Variants in APP observed in about 807,000 individuals in gnomAD.
The protein encoded by APP is amyloid beta precursor protein.
APP carries 31 observed loss-of-function variants against 101.4 expected under a neutral mutation model. The ratio of observed to expected loss-of-function variants is 0.31; its 90% CI spans 0.23 to 0.41. The LOEUF is 0.41. APP is among the 10% of genes least tolerant of loss of function. The pLI is 1.00. For missense variants in APP, 839 were observed against 1,003.7 expected (o/e 0.84, Z 2.22); for synonymous variants, 366 against 364.4 (o/e 1.00, Z -0.05).
At chr21:26,013,964 C>A (rs1422848129) in intron 6 of APP, among the ~76,000 whole-genome samples, 1 of 152,198 alleles carries the variant, frequency 6.6e-6, no homozygotes, top group African/African-American at 2.4e-5. Flanking sequence ...CCTGTCACAT[C>A]TATGGTCAGT....
chr21:25,945,934 G>C lies in APP; in HGVS notation c.1687+8656C>G, dbSNP rs557621241. ...TGGGCTCAAGTCATCTGCCCACCTTGGCCTCCCAAAATGCTGGAATTACAG... is the reference window on the plus strand; with the variant it reads ...TGGGCTCAAGTCATCTGCCCACCTTCGCCTCCCAAAATGCTGGAATTACAG... On this transcript the variant is annotated intron_variant, in intron 13 of 17. Coordinates refer to ENST00000346798, the MANE Select transcript of APP (RefSeq NM_000484.4). 9 of 455,108 alleles carry C rather than the reference G, an allele frequency of 2.0e-5. 1 individual carries two copies. Among genetic ancestry groups the C allele is most frequent in the African/African-American group, 1.2e-4 (6 of 50,056 alleles). The allele number at this position is 455,108 out of a possible 1,614,324, so 28.2% of individuals were successfully genotyped here.
rs548022604 is a variant in APP at position 26,064,656 on chromosome 21, C to A, written c.356-11308G>T. On this transcript the variant is annotated intron_variant, in intron 3 of 17. Coordinates refer to ENST00000346798, the MANE Select transcript of APP (RefSeq NM_000484.4). ...TGCAAAAGGCATGTGGTCTCTACAGCATTCTCATTTAACACCCTCCCCCTA... is the reference window on the plus strand; with the variant it reads ...TGCAAAAGGCATGTGGTCTCTACAGAATTCTCATTTAACACCCTCCCCCTA... Among the ~76,000 whole-genome samples the A allele has an allele frequency of 5.3e-5, 8 of 152,234 alleles. No individual in the cohort carries two copies. The South Asian group carries it at 1.7e-3, about 32-fold the overall frequency.
At chr21:26,096,903 C>CA (rs1425519271) in intron 2 of APP, among the ~76,000 whole-genome samples, 1 of 152,218 alleles carries the variant, frequency 6.6e-6, no homozygotes, top group East Asian at 1.9e-4. Flanking sequence ...AGGGAATACT[C>CA]AGAGAGACAA....
chr21:26,033,944 T>C (rs1018049820), intron 5 of APP, among the ~76,000 whole-genome samples: 10 of 152,184 alleles, frequency 6.6e-5, no homozygotes, highest in Non-Finnish European at 1.2e-4. Context: ...TTGATCATGG[T>C]AGACTTGAGA....
intron 1 of APP, among the ~76,000 whole-genome samples, chr21:26,114,324 T>A (rs1383728842): frequency 6.6e-6 from 1 of 152,126 alleles, no homozygotes; most frequent in Admixed American, 6.6e-5. Flanking sequence ...CCCCCAATAG[T>A]CCCTGCCTCC....
At chr21:25,981,390 G>T (rs2042424475) in intron 9 of APP, among the ~76,000 whole-genome samples, 2 of 152,128 alleles carry the variant, frequency 1.3e-5, no homozygotes, top group South Asian at 4.1e-4. Context: ...TTTAACCTGA[G>T]ATCTTTATTC....
At chr21:26,034,666 AAAAG>A (rs1261808846) in intron 5 of APP, among the ~76,000 whole-genome samples, 1 of 149,354 alleles carries the variant, frequency 6.7e-6, no homozygotes, top group African/African-American at 2.6e-5. Flanking sequence ...GAAAAAGAAA[AAAAG>A]AAAAGAAAAA....
intron 1 of APP, among the ~76,000 whole-genome samples, chr21:26,126,343 T>C (rs1350508631): frequency 6.6e-6 from 1 of 152,222 alleles, no homozygotes; most frequent in African/African-American, 2.4e-5. Context: ...GGGAATAATG[T>C]TGGTGTACAC....
chr21:25,955,100 A>C (rs187702304), intron 12 of APP, among the ~76,000 whole-genome samples: 237 of 152,222 alleles, frequency 1.6e-3, no homozygotes, highest in Non-Finnish European at 2.7e-3. Flanking sequence ...TCCCCCTAGA[A>C]AACAACGTAT....
chr21:26,097,471 C>G (rs2061968083), intron 2 of APP, among the ~76,000 whole-genome samples: 1 of 151,482 alleles, frequency 6.6e-6, no homozygotes, highest in Non-Finnish European at 1.5e-5. Flanking sequence ...AAACCTATCT[C>G]TTAAATAAGA....
rs111428238 is a variant in APP at position 26,021,790 on chromosome 21, C to T, written c.865+50G>A. 655 of 1,602,654 alleles carry T rather than the reference C, an allele frequency of 4.1e-4. 3 individuals carry two copies. The African/African-American group carries it at 6.8e-3, about 17-fold the overall frequency. Reference sequence around the variant, plus strand: ...GTGGATATTTCCAACTCTGGTATTACGCTTTCTTTTCCTTGGGGGTGGGGG... The same window carrying T: ...GTGGATATTTCCAACTCTGGTATTATGCTTTCTTTTCCTTGGGGGTGGGGG... On this transcript the variant is annotated intron_variant, in intron 6 of 17. Transcript: ENST00000346798.
chr21:25,980,751 G>A (rs150282183), intron 9 of APP, among the ~76,000 whole-genome samples: 1 of 152,226 alleles, frequency 6.6e-6, no homozygotes, highest in African/African-American at 2.4e-5. Flanking sequence ...TGTTTTCAAG[G>A]GTAGATTTTC....
At chr21:26,019,412 C>G (rs1446420905) in intron 6 of APP, among the ~76,000 whole-genome samples, 1 of 152,158 alleles carries the variant, frequency 6.6e-6, no homozygotes, top group East Asian at 1.9e-4. Context: ...ACTTTTGGCT[C>G]TAGTTCAAAT....
intron 1 of APP, among the ~76,000 whole-genome samples, chr21:26,168,691 AAAACTGG>A: frequency 6.6e-6 from 1 of 152,218 alleles, no homozygotes; most frequent in East Asian, 1.9e-4. Flanking sequence ...ACCATTCGGG[AAAACTGG>A]AATAATTCTA....
chr21:25,937,509 C>T (rs1355090095), intron 13 of APP, among the ~76,000 whole-genome samples: 5 of 152,168 alleles, frequency 3.3e-5, no homozygotes, highest in Non-Finnish European at 5.9e-5. Context: ...ACTCCAGGCA[C>T]ATTTTGTCAA....
chr21:25,995,093 G>A (rs1199432065), intron 8 of APP, among the ~76,000 whole-genome samples: 1 of 152,164 alleles, frequency 6.6e-6, no homozygotes, highest in African/African-American at 2.4e-5. Flanking sequence ...GAGACTTTCA[G>A]TATCTGTTTG....
chr21:25,891,232 G>A (rs2037676206), intron 17 of APP, among the ~76,000 whole-genome samples: 1 of 151,236 alleles, frequency 6.6e-6, no homozygotes, highest in Non-Finnish European at 1.5e-5. Context: ...AAACTTTAAA[G>A]GTAAGAGTCT....
At chr21:25,946,986 C>T (rs1343976465) in intron 13 of APP, among the ~76,000 whole-genome samples, 2 of 152,088 alleles carry the variant, frequency 1.3e-5, no homozygotes, top group African/African-American at 4.8e-5. Context: ...TTTTTACATT[C>T]ATTATTCCTA....
At chr21:26,034,226 C>T (rs1164766363) in intron 5 of APP, among the ~76,000 whole-genome samples, 17 of 152,166 alleles carry the variant, frequency 1.1e-4, no homozygotes, top group Non-Finnish European at 2.2e-4. Flanking sequence ...TCTAATTATA[C>T]CATTCCTCCT....
Sources: gnomAD v4.1 joint callset for allele counts (sites outside exome capture counted in the v4.1 genomes callset) on GRCh38, gnomAD v4.1.1 for gene constraint, MANE v1.5 for transcripts, NCBI Gene and HGNC (gene_info 2026-07-23, HGNC 2026-07-21) for gene names.